The following WDR17 variants were observed in gnomAD, a reference collection of about 807,000 sequenced individuals.
WDR17 encodes WD repeat domain 17.
Under a neutral mutation model 161.7 loss-of-function variants are expected in WDR17, and 143 were observed. The observed-to-expected ratio is 0.88, with a 90% CI of 0.77 to 1.02. The LOEUF is 1.02. Among genes scored for constraint, WDR17 ranks in the 50% least tolerant of loss-of-function variants. The pLI is 0.00. For synonymous variants in WDR17, 517 were observed against 515.6 expected (o/e 1.00, Z -0.04); for missense variants, 1,469 against 1,520.9 (o/e 0.97, Z 0.57).
intron 1 of WDR17, among the ~76,000 whole-genome samples, chr4:176,097,756 C>T (rs1418176578): frequency 6.6e-6 from 1 of 151,278 alleles, no homozygotes; most frequent in Non-Finnish European, 1.5e-5. Context: ...CACACACACA[C>T]ACACACACAC....
intron 18 of WDR17, among the ~76,000 whole-genome samples, chr4:176,158,495 G>GT (rs1748506589): frequency 6.6e-6 from 1 of 152,164 alleles, no homozygotes; most frequent in African/African-American, 2.4e-5. Context: ...ATTAGAAGAG[G>GT]ATTTGAATCA....
Position 176,163,142 on chromosome 4 carries a change from T to G in WDR17, c.2851-12T>G. The G allele has an allele frequency of 6.2e-7, 1 of 1,614,054 alleles. No individual in the cohort carries two copies. The highest frequency in any genetic ancestry group is 1.1e-5 in the South Asian group (1 of 91,082). ...CTATGCAACTGAAGAAATTATTTTC[T>G]TATTGAGCAAGCTTGCTATGGCATA... On this transcript the variant is annotated splice_polypyrimidine_tract_variant and intron_variant, in intron 21 of 28. Transcript: ENST00000508596.
rs575056262 is a variant in WDR17, at chr4:176,097,424, A to G, written c.-6-14151A>G. Among the ~76,000 whole-genome samples, 5 of 152,100 alleles carry G rather than the reference A, an allele frequency of 3.3e-5. No individual in the cohort carries two copies. The East Asian group carries it at 9.6e-4, about 29-fold the overall frequency. On this transcript the variant is annotated intron_variant, in intron 1 of 28. Coordinates refer to ENST00000508596, the MANE Select transcript of WDR17 (RefSeq NM_181265.4). ...GATTCCCATCCTAAGCACATTAATT[A>G]CAGATATTTTCTCAGTATTACTTCT... is the stretch of plus-strand genomic sequence containing the variant.
Position 176,119,891 on chromosome 4 carries a change from G to T in WDR17, c.332G>T (p.Cys111Phe). The T allele has an allele frequency of 6.2e-7, 1 of 1,614,110 alleles. No individual in the cohort carries two copies. Among genetic ancestry groups the T allele is most frequent in the South Asian group, 1.1e-5 (1 of 91,078 alleles). Residue 111 changes from cysteine (C) to phenylalanine (F), a missense_variant, in exon 4 of 29, where the codon TGC becomes TTC. Cys to Phe is a radical substitution (Grantham distance 205). Coordinates refer to ENST00000508596, the MANE Select transcript of WDR17 (RefSeq NM_181265.4). ...GGGATCCCTGCTTCTCTTAGTTGGTGCTGGAATGCAGAGGATGTGGTGGCA... is the reference window on the plus strand; with the variant it reads ...GGGATCCCTGCTTCTCTTAGTTGGTTCTGGAATGCAGAGGATGTGGTGGCA... Reference protein sequence around the residue: ...TKGIPASLSWCWNAEDVVAFV... With the variant: ...TKGIPASLSWFWNAEDVVAFV...
intron 16 of WDR17, among the ~76,000 whole-genome samples, chr4:176,151,092 G>A (rs986368297): frequency 2.5e-4 from 38 of 152,000 alleles, no homozygotes; most frequent in South Asian, 2.1e-4. Context: ...ATAGTTAATC[G>A]TTAGAGCATG....
intron 22 of WDR17, among the ~76,000 whole-genome samples, chr4:176,166,612 G>A (rs983997743): frequency 2.0e-5 from 3 of 152,092 alleles, no homozygotes; most frequent in Non-Finnish European, 4.4e-5. Flanking sequence ...TCTACATTAA[G>A]AAAGTCAAAT....
At chr4:176,119,373 A>G (rs1302172124) in intron 3 of WDR17, among the ~76,000 whole-genome samples, 1 of 152,138 alleles carries the variant, frequency 6.6e-6, no homozygotes, top group African/African-American at 2.4e-5. Context: ...AATTCCTGAT[A>G]AGACATAGAT....
chr4:176,066,920 C>T (rs967931846), intron 1 of WDR17, among the ~76,000 whole-genome samples: 1 of 152,052 alleles, frequency 6.6e-6, no homozygotes, highest in Non-Finnish European at 1.5e-5. Flanking sequence ...TTATAGTTGC[C>T]GTTCTTAGCA....
chr4:176,142,167 C>T (rs1745381463), intron 11 of WDR17, 98 bp downstream of exon 11: 1 of 925,496 alleles, frequency 1.1e-6, no homozygotes, highest in East Asian at 2.5e-5. Flanking sequence ...ATATCTATCA[C>T]TCTATTTATA....
At chr4:176,078,890 CCT>C (rs1455500809) in intron 1 of WDR17, among the ~76,000 whole-genome samples, 2 of 151,944 alleles carry the variant, frequency 1.3e-5, no homozygotes, top group East Asian at 1.9e-4. Flanking sequence ...CATTCAAAGT[CCT>C]CTCTCTGGCT....
In WDR17 at chr4:176,131,370, A is replaced by G. The variant is rs113765271; in HGVS notation, c.914-184A>G. On this transcript the variant is annotated intron_variant, in intron 6 of 28. Coordinates refer to ENST00000508596, the MANE Select transcript of WDR17 (RefSeq NM_181265.4). ...TGCTCCATCTGTACTTTAAAATAAT[A>G]TCCAATTTTGTGCTTATATTACATT... Among the ~76,000 whole-genome samples, 602 of 152,226 alleles carry G rather than the reference A, an allele frequency of 4.0e-3. 5 individuals are homozygous for G. The highest frequency in any genetic ancestry group is 0.014 in the African/African-American group (572 of 41,540).
Position 176,163,233 on chromosome 4 carries a change from C to T in WDR17, c.2930C>T (p.Ala977Val). 6.2e-7 allele frequency: 1 copy of T among 1,613,900 alleles called. No homozygotes were observed. Among genetic ancestry groups the T allele is most frequent in the Non-Finnish European group, 8.5e-7 (1 of 1,179,940 alleles). Residue 977 changes from alanine to valine, a missense_variant, in exon 22 of 29, where the codon GCA (alanine) becomes GTA (valine). Transcript: ENST00000508596. ...GGCACAGTACTAGGAGAGTCTGCAG[C>T]ACCAGCAACCCACTATGCCTTAGAA... is the stretch of plus-strand genomic sequence containing the variant. The part of the protein sequence containing the change: ...CVGTVLGESA[A>V]PATHYALELL...
chr4:176,072,242 G>A (rs1733337817), intron 1 of WDR17, among the ~76,000 whole-genome samples: 1 of 152,198 alleles, frequency 6.6e-6, no homozygotes, highest in Non-Finnish European at 1.5e-5. Context: ...ACATTTCAGA[G>A]ATTAATCTCA....
At chr4:176,115,143 G>A (rs545389198) in intron 2 of WDR17, among the ~76,000 whole-genome samples, 3 of 151,994 alleles carry the variant, frequency 2.0e-5, no homozygotes, top group Non-Finnish European at 2.9e-5. Context: ...ATATGCTAAA[G>A]GGGAAGAAAC....
Position 176,123,679 on chromosome 4 carries a change from T to C in WDR17, c.539-1425T>C, listed in dbSNP as rs547707779. On this transcript the variant is annotated intron_variant, in intron 4 of 28. Transcript: ENST00000508596. ...GGGGCTTCCGTGCTGTCTCCAGGCA[T>C]GCCGCCCTCCAGGAGCCTCCGTGTG... Among the ~76,000 whole-genome samples, 265 of 152,344 alleles carry C rather than the reference T, an allele frequency of 1.7e-3. 1 individual carries two copies. The highest frequency in any genetic ancestry group is 3.1e-3 in the Non-Finnish European group (212 of 68,038).
chr4:176,131,293 C>A (rs188334955), intron 6 of WDR17, among the ~76,000 whole-genome samples: 97 of 152,154 alleles, frequency 6.4e-4, no homozygotes, highest in African/African-American at 2.1e-3. Flanking sequence ...TGATAAGAAA[C>A]CACATATTCA....
chr4:176,150,327 G>A, intron 15 of WDR17, 141 bp from the exon 16 acceptor site: 1 of 1,440,416 alleles, frequency 6.9e-7, no homozygotes, highest in Non-Finnish European at 9.3e-7. Context: ...TGTAAAACTA[G>A]AAACAATACA....
At chr4:176,067,163 A>G (rs896218659) in intron 1 of WDR17, among the ~76,000 whole-genome samples, 4 of 152,190 alleles carry the variant, frequency 2.6e-5, no homozygotes, top group African/African-American at 7.2e-5. Context: ...AGTGTTCAAG[A>G]AAATGGATAT....
intron 22 of WDR17, among the ~76,000 whole-genome samples, chr4:176,167,443 G>C (rs560663199): frequency 6.6e-6 from 1 of 150,776 alleles, no homozygotes; most frequent in Non-Finnish European, 1.5e-5. Context: ...TCAGGAGATC[G>C]AGACCATCCT....
Sources: allele counts gnomAD v4.1 joint callset (sites outside exome capture counted in the v4.1 genomes callset), GRCh38; gene constraint gnomAD v4.1.1; transcripts MANE v1.5; gene names NCBI Gene and HGNC (gene_info 2026-07-23, HGNC 2026-07-21).